Variants in DYSF observed in about 807,000 individuals in gnomAD.
DYSF encodes dystrophy-associated fer-1-like 1.
Under a neutral mutation model 274.9 loss-of-function variants are expected in DYSF, and 212 were observed. The ratio of observed to expected loss-of-function variants is 0.77; its 90% CI spans 0.69 to 0.86. DYSF has a LOEUF of 0.86. Ranked by LOEUF, DYSF falls within the 40% of genes least tolerant of loss-of-function variation. The pLI is 0.00. For missense variants in DYSF, 2,666 were observed against 2,783.2 expected (o/e 0.96, Z 0.95); for synonymous variants, 1,091 against 1,078.7 (o/e 1.01, Z -0.22).
intron 21 of DYSF, among the ~76,000 whole-genome samples, chr2:71,555,237 C>T (rs1390785942): frequency 3.9e-5 from 6 of 152,270 alleles, no homozygotes; most frequent in African/African-American, 1.4e-4. Flanking sequence ...CACTGGCTCA[C>T]AGCAAGACTC....
intron 17 of DYSF, among the ~76,000 whole-genome samples, chr2:71,540,692 T>C (rs1392827106): frequency 2.0e-5 from 3 of 151,036 alleles, no homozygotes; most frequent in East Asian, 3.9e-4. Flanking sequence ...CATGTTTATA[T>C]AATTTATATT....
Position 71,539,172 on chromosome 2 carries a change from C to A in DYSF, c.1509C>A (p.His503Gln). The A allele has an allele frequency of 1.2e-6, 2 of 1,614,112 alleles. No homozygotes were observed. Among genetic ancestry groups the A allele is most frequent in the Non-Finnish European group, 1.7e-6 (2 of 1,180,000 alleles). The change falls in exon 17 of 56, where the codon CAC becomes CAA. Residue 503 changes from histidine (H) to glutamine (Q), a missense_variant. His to Gln is a conservative substitution (Grantham distance 24). This residue lies in a region of DYSF where 794 missense variants were observed against 777.1 expected (regional missense o/e 1.02). Transcript: ENST00000410020. ...IRIIDWDRLTHNDIVATTYLS... is the reference protein window; with the variant it reads ...IRIIDWDRLTQNDIVATTYLS... ...CTTGCTCTAGGGACCGCCTGACTCA[C>A]AATGACATCGTGGCTACCACCTACC...
chr2:71,460,515 C>A (rs2081241357), intron 1 of DYSF, among the ~76,000 whole-genome samples: 1 of 152,178 alleles, frequency 6.6e-6, no homozygotes, highest in South Asian at 2.1e-4. Flanking sequence ...GTCTCAGCCA[C>A]ACTCTCCATT....
intron 17 of DYSF, among the ~76,000 whole-genome samples, chr2:71,543,428 G>A (rs538971418): frequency 2.9e-3 from 433 of 150,818 alleles, no homozygotes; most frequent in African/African-American, 9.9e-3. Flanking sequence ...GGGCGGCCAG[G>A]CAGAGACGCT....
intron 14 of DYSF, among the ~76,000 whole-genome samples, chr2:71,528,694 G>A (rs901047493): frequency 1.3e-5 from 2 of 152,210 alleles, no homozygotes; most frequent in African/African-American, 2.4e-5. Context: ...GGGGGAAAAT[G>A]GAGCAATAGC....
chr2:71,636,236 T>G (rs1048963318), intron 41 of DYSF, among the ~76,000 whole-genome samples: 1 of 152,154 alleles, frequency 6.6e-6, no homozygotes, highest in African/African-American at 2.4e-5. Flanking sequence ...CTGGAGGGAT[T>G]TGCACAGAGG....
intron 41 of DYSF, among the ~76,000 whole-genome samples, chr2:71,637,342 C>T (rs1269573834): frequency 1.3e-5 from 2 of 152,140 alleles, no homozygotes; most frequent in African/African-American, 4.8e-5. Context: ...GCAAGCCGAG[C>T]ACCCACAGGA....
At chr2:71,526,415 C>CTTGGGGGG in intron 13 of DYSF, 69 bp downstream of exon 13, 1 of 411,242 alleles carries the variant, frequency 2.4e-6, no homozygotes. Flanking sequence ...TGGGGGTGGG[C>CTTGGGGGG]GATGGCGGGC....
At chr2:71,516,914 G>C in intron 9 of DYSF, 75 bp from the exon 10 acceptor site, 1 of 1,325,788 alleles carries the variant, frequency 7.5e-7, no homozygotes. Flanking sequence ...TTGTTTGGGA[G>C]GGAAGAGCTA....
intron 45 of DYSF, among the ~76,000 whole-genome samples, chr2:71,662,030 T>C (rs888593482): frequency 1.3e-5 from 2 of 152,070 alleles, no homozygotes; most frequent in African/African-American, 4.8e-5. Flanking sequence ...GGTGGGCGTG[T>C]GTCAGGACTC....
chr2:71,500,241 CG>C lies in DYSF; in HGVS notation c.240-2972del, dbSNP rs138796348. ...TAGCCTCCCAGGGGTCCCTCTTCTG[CG>C]CCCCCCACCTCTCCTCCCTGAGCAA... On this transcript the variant is annotated intron_variant, in intron 3 of 55. Coordinates refer to ENST00000410020, the MANE Select transcript of DYSF (RefSeq NM_001130987.2). Among the ~76,000 whole-genome samples, 481 of 152,260 alleles carry C rather than the reference CG, an allele frequency of 3.2e-3. 3 individuals carry two copies. Among genetic ancestry groups the C allele is most frequent in the African/African-American group, 0.011 (459 of 41,560 alleles).
intron 21 of DYSF, among the ~76,000 whole-genome samples, chr2:71,555,424 A>G (rs1457158143): frequency 1.3e-5 from 2 of 152,038 alleles, no homozygotes; most frequent in African/African-American, 2.4e-5. Flanking sequence ...AGGGCTGGAG[A>G]AGAGCTCGGT....
At chr2:71,654,965 C>G (rs752069541) in intron 42 of DYSF, among the ~76,000 whole-genome samples, 1 of 151,990 alleles carries the variant, frequency 6.6e-6, no homozygotes, top group African/African-American at 2.4e-5. Flanking sequence ...TGTGGTGGCA[C>G]GCCTGTACTC....
chr2:71,594,401 C>T (rs764662928), intron 32 of DYSF, among the ~76,000 whole-genome samples: 4 of 152,094 alleles, frequency 2.6e-5, no homozygotes, highest in Non-Finnish European at 5.9e-5. Flanking sequence ...AAACACTGCA[C>T]GCTTCGGGAT....
At chr2:71,537,218 G>GTTTTTTTTTTTTTTTTT (rs751063098) in intron 16 of DYSF, among the ~76,000 whole-genome samples, 1 of 47,704 alleles carries the variant, frequency 2.1e-5, no homozygotes, top group Non-Finnish European at 4.9e-5. Context: ...TTACTTTCTA[G>GTTTTTTTTTTTTTTTTT]TTTTGTTTTT....
chr2:71,527,922 G>A (rs1040819559), intron 13 of DYSF, among the ~76,000 whole-genome samples: 11 of 152,148 alleles, frequency 7.2e-5, no homozygotes, highest in Non-Finnish European at 1.2e-4. Flanking sequence ...TAGATTTAAA[G>A]GAAAATGTCA....
chr2:71,670,488 G>T (rs957262459), intron 51 of DYSF, among the ~76,000 whole-genome samples: 1 of 152,192 alleles, frequency 6.6e-6, no homozygotes. Context: ...TATGGTCACC[G>T]TCCAAGCTAG....
At chr2:71,545,644 A>C (rs75392876) in intron 17 of DYSF, among the ~76,000 whole-genome samples, 3,279 of 152,222 alleles carry the variant, frequency 0.022, 52 homozygotes, top group African/African-American at 0.048. Context: ...ACTGTCTCTC[A>C]TCTCTCAATC....
At chr2:71,550,928 G>T (rs2090897492) in intron 17 of DYSF, 113 bp from the exon 18 acceptor site, 2 of 832,308 alleles carry the variant, frequency 2.4e-6, no homozygotes, top group East Asian at 2.5e-5. Context: ...TGCATCTGGT[G>T]CATGTGGGGG....
Sources: gnomAD v4.1 joint callset for allele counts (sites outside exome capture counted in the v4.1 genomes callset) on GRCh38, gnomAD v4.1.1 for gene constraint, gnomAD v4.1.1 regional missense constraint, MANE v1.5 for transcripts, NCBI Gene and HGNC (gene_info 2026-07-23, HGNC 2026-07-21) for gene names.